CCDC12: variants seen among roughly 807,000 people sequenced by gnomAD.
CCDC12 encodes coiled-coil domain containing 12.
In CCDC12, 28 loss-of-function variants were observed where a neutral mutation model predicts 25.7. The ratio of observed to expected loss-of-function variants is 1.09; its 90% CI spans 0.81 to 1.50. The LOEUF (loss-of-function observed/expected upper bound fraction) is 1.50, where lower values mean the gene tolerates loss of function less well. Among genes scored for constraint, CCDC12 ranks in the 40% most tolerant of loss-of-function variants. The probability of loss-of-function intolerance (pLI) is 0.00; values close to 1 mark genes in which losing one functional copy is unlikely to be tolerated. For synonymous variants in CCDC12, 75 were observed against 87.7 expected (o/e 0.86, Z 0.81); for missense variants, 198 against 210.0 (o/e 0.94, Z 0.35).
At position 46,923,669 on chromosome 3, in the gene CCDC12, C is replaced by T; in HGVS notation, c.245-1G>A. 6.5e-7 allele frequency: 1 copy of T among 1,540,546 alleles called. No individual in the cohort carries two copies. Among genetic ancestry groups the T allele is most frequent in the South Asian group, 1.3e-5 (1 of 78,996 alleles). On this transcript the variant is annotated splice_acceptor_variant, in intron 3 of 6. Transcript: ENST00000683445. LOFTEE classifies it high-confidence loss of function. ...AGCTGCTCCTTCACCTTCTCCTCCA[C>T]TAGAGGGTGCAATTAAACAGAGAAG...
intron 2 of CCDC12, among the ~76,000 whole-genome samples, chr3:46,927,840 C>T (rs1309700698): frequency 2.6e-5 from 4 of 152,204 alleles, no homozygotes; most frequent in Non-Finnish European, 5.9e-5. Flanking sequence ...CTCCAGTCCC[C>T]TTAGCGTGGA....
intron 1 of CCDC12, 48 bp downstream of exon 1, chr3:46,976,589 C>A (rs749493438): frequency 1.3e-6 from 2 of 1,578,962 alleles, no homozygotes; most frequent in South Asian, 2.3e-5. Context: ...CGACCCGGAC[C>A]CCGAACGCTG....
chr3:46,956,117 T>G (rs1245775493), intron 1 of CCDC12, among the ~76,000 whole-genome samples: 1 of 152,266 alleles, frequency 6.6e-6, no homozygotes, highest in Non-Finnish European at 1.5e-5. Context: ...GTCTGCTTTC[T>G]GCCTAACAGC....
intron 1 of CCDC12, among the ~76,000 whole-genome samples, chr3:46,970,051 CACG>C (rs2034758957): frequency 6.6e-6 from 1 of 151,952 alleles, no homozygotes; most frequent in Non-Finnish European, 1.5e-5. Context: ...ACTATAAGTG[CACG>C]ACACCATTCC....
At chr3:46,938,511 CCCT>C (rs1236795678) in intron 2 of CCDC12, among the ~76,000 whole-genome samples, 9 of 150,248 alleles carry the variant, frequency 6.0e-5, no homozygotes, top group African/African-American at 2.2e-4. Context: ...AGGTTTGTTC[CCCT>C]CCTGTTTTTT....
intron 1 of CCDC12, among the ~76,000 whole-genome samples, chr3:46,970,044 A>G (rs774830165): frequency 1.3e-5 from 2 of 151,918 alleles, no homozygotes; most frequent in African/African-American, 2.4e-5. Flanking sequence ...AGCTGGAACT[A>G]TAAGTGCACG....
intron 2 of CCDC12, among the ~76,000 whole-genome samples, chr3:46,934,166 T>G (rs1215534469): frequency 2.0e-5 from 3 of 152,182 alleles, no homozygotes; most frequent in African/African-American, 7.2e-5. Flanking sequence ...GCCCATAAGG[T>G]GAGAACTGGA....
chr3:46,980,373 G>T (rs937632627), upstream of CCDC12, among the ~76,000 whole-genome samples: 2 of 152,166 alleles, frequency 1.3e-5, no homozygotes, highest in East Asian at 1.9e-4. Context: ...GGGTCTGGGG[G>T]TGTGGGCCAA....
intron 1 of CCDC12, among the ~76,000 whole-genome samples, chr3:46,950,939 G>A (rs2034092644): frequency 6.6e-6 from 1 of 152,120 alleles, no homozygotes; most frequent in Admixed American, 6.5e-5. Flanking sequence ...CTTATATGTG[G>A]AATCTAAAAC....
intron 1 of CCDC12, among the ~76,000 whole-genome samples, chr3:46,956,417 A>T (rs939588005): frequency 6.6e-6 from 1 of 152,246 alleles, no homozygotes; most frequent in African/African-American, 2.4e-5. Context: ...AGGCTGACCT[A>T]GAAGAGAAAG....
At chr3:46,951,697 G>A (rs1325424731) in intron 1 of CCDC12, among the ~76,000 whole-genome samples, 3 of 144,960 alleles carry the variant, frequency 2.1e-5, no homozygotes, top group Admixed American at 7.0e-5. Context: ...GGAGAATGGC[G>A]TGAACTAGGG....
intron 2 of CCDC12, among the ~76,000 whole-genome samples, chr3:46,936,544 G>A (rs1431590083): frequency 6.6e-6 from 1 of 152,132 alleles, no homozygotes; most frequent in East Asian, 1.9e-4. Flanking sequence ...GCGGCTCACT[G>A]AGGCAATGTG....
At chr3:46,945,100 A>G (rs760067466) in intron 1 of CCDC12, among the ~76,000 whole-genome samples, 13 of 152,236 alleles carry the variant, frequency 8.5e-5, no homozygotes, top group Non-Finnish European at 1.5e-4. Context: ...GTCTGACCGT[A>G]GGCCCAGGGC....
intron 2 of CCDC12, 115 bp from the exon 3 acceptor site, chr3:46,925,650 G>T: frequency 1.1e-6 from 1 of 887,264 alleles, no homozygotes; most frequent in Non-Finnish European, 1.7e-6. Context: ...GCACTCTCTG[G>T]AGATAGCCTG....
At chr3:46,940,379 A>T (rs2033652663) in intron 2 of CCDC12, among the ~76,000 whole-genome samples, 1 of 152,218 alleles carries the variant, frequency 6.6e-6, no homozygotes. Flanking sequence ...ACCCAACCAG[A>T]TGAGAGTATT....
At chr3:46,960,111 T>G (rs2034418428) in intron 1 of CCDC12, among the ~76,000 whole-genome samples, 1 of 152,172 alleles carries the variant, frequency 6.6e-6, no homozygotes, top group Non-Finnish European at 1.5e-5. Context: ...CCTCCGTGGA[T>G]GGCAGTATAC....
At position 46,958,437 on chromosome 3, in the gene CCDC12, T is replaced by G. The variant is rs139460165; in HGVS notation, c.97-17372A>C. On this transcript the variant is annotated intron_variant, in intron 1 of 6. Coordinates refer to ENST00000683445, the MANE Select transcript of CCDC12 (RefSeq NM_001277074.2). ...AAGATATACAAGCTCTGGAAAACTTTGTAATTTTGAATTGGTCTGGTGATA... is the reference window on the plus strand; with the variant it reads ...AAGATATACAAGCTCTGGAAAACTTGGTAATTTTGAATTGGTCTGGTGATA... 5.9e-5 allele frequency among the ~76,000 whole-genome samples: 9 copies of G among 152,192 alleles called. 1 individual carries two copies. The highest frequency in any genetic ancestry group is 5.9e-4 in the Admixed American group (9 of 15,284).
chr3:46,976,523 G>A lies in CCDC12; in HGVS notation c.96+114C>T, dbSNP rs534883101. On this transcript the variant is annotated intron_variant, in intron 1 of 6. Transcript: ENST00000683445. The stretch of plus-strand genomic sequence containing the variant: ...TTCTCGCGCATGCGTTAGCGCCCGC[G>A]CATGCGCGCCCTCGGCAGCTGTCTT... 141 of 1,452,804 alleles carry A rather than the reference G, an allele frequency of 9.7e-5. No homozygotes were observed. The African/African-American group carries it at 2.0e-3, about 20-fold the overall frequency. The allele number at this position is 1,452,804 out of a possible 1,614,324, so 90.0% of individuals were successfully genotyped here. A position where few individuals can be genotyped will look rare whatever the true frequency, so the allele number is the denominator to read the frequency against.
At chr3:46,954,930 A>C (rs2034241401) in intron 1 of CCDC12, among the ~76,000 whole-genome samples, 1 of 152,164 alleles carries the variant, frequency 6.6e-6, no homozygotes, top group African/African-American at 2.4e-5. Context: ...CTGAAAAAAA[A>C]AGTTATTTCC....
Sources: gnomAD v4.1 joint callset for allele counts (sites outside exome capture counted in the v4.1 genomes callset) on GRCh38, gnomAD v4.1.1 for gene constraint, MANE v1.5 for transcripts, NCBI Gene and HGNC (gene_info 2026-07-23, HGNC 2026-07-21) for gene names.